The following TTC7A variants were observed in gnomAD, a reference collection of about 807,000 sequenced individuals.
TTC7A encodes the protein tetratricopeptide repeat protein 7A.
TTC7A carries 110 observed loss-of-function variants against 103.7 expected under a neutral mutation model. The observed-to-expected ratio is 1.06, with a 90% CI of 0.91 to 1.24. The LOEUF (loss-of-function observed/expected upper bound fraction) is 1.24, where lower values mean the gene tolerates loss of function less well. TTC7A is among the 50% of genes most tolerant of loss of function. The pLI is 0.00. For missense variants in TTC7A, 1,340 were observed against 1,116.3 expected (o/e 1.20, Z -2.86); for synonymous variants, 521 against 467.9 (o/e 1.11, Z -1.47).
Position 46,959,888 on chromosome 2 carries a change from A to G in TTC7A, c.517+2881A>G, listed in dbSNP as rs146564415. The stretch of plus-strand genomic sequence containing the variant: ...GTGTATATAAGGTGTGGGGGAGTAC[A>G]TAACCTCCACCTCCTCTGAGGGGAA... On this transcript the variant is annotated intron_variant, in intron 3 of 19. Coordinates refer to ENST00000319190, the MANE Select transcript of TTC7A (RefSeq NM_020458.4). Among the ~76,000 whole-genome samples, 914 of 152,330 alleles carry G rather than the reference A, an allele frequency of 6.0e-3. 7 individuals are homozygous for G. The highest frequency in any genetic ancestry group is 0.021 in the African/African-American group (873 of 41,560).
intron 3 of TTC7A, 74 bp downstream of exon 3, chr2:46,957,081 T>A (rs1671937866): frequency 6.3e-7 from 1 of 1,582,340 alleles, no homozygotes; most frequent in South Asian, 1.1e-5. Context: ...AGGGCCCTGC[T>A]GGGCTCGTGT....
At chr2:47,052,714 G>A (rs1177512579) in intron 18 of TTC7A, among the ~76,000 whole-genome samples, 1 of 152,216 alleles carries the variant, frequency 6.6e-6, no homozygotes, top group Non-Finnish European at 1.5e-5. Context: ...AATGGCAGCA[G>A]AAGACAGAGG....
At chr2:46,995,282 G>A (rs551923030) in intron 8 of TTC7A, 83 bp downstream of exon 8, 18 of 1,381,874 alleles carry the variant, frequency 1.3e-5, no homozygotes, top group Admixed American at 7.3e-5. Context: ...CAGGCCACCC[G>A]TGACCTAGCC....
At chr2:47,016,873 C>A (rs1678712769) in intron 11 of TTC7A, among the ~76,000 whole-genome samples, 1 of 151,966 alleles carries the variant, frequency 6.6e-6, no homozygotes, top group East Asian at 1.9e-4. Flanking sequence ...CAGGTGGGGC[C>A]CATTAGTGGG....
chr2:46,922,348 A>G (rs557507246), intron 2 of TTC7A, among the ~76,000 whole-genome samples: 33 of 152,210 alleles, frequency 2.2e-4, no homozygotes, highest in East Asian at 1.7e-3. Context: ...GGCTTTGTCT[A>G]TGGGAGTCCT....
chr2:47,002,456 T>G (rs1482155879), intron 8 of TTC7A, among the ~76,000 whole-genome samples: 1 of 152,174 alleles, frequency 6.6e-6, no homozygotes, highest in Non-Finnish European at 1.5e-5. Flanking sequence ...GATTTTCTAA[T>G]GAAAGAAAGC....
chr2:47,049,512 G>T (rs1035168422), intron 16 of TTC7A, among the ~76,000 whole-genome samples: 1 of 152,058 alleles, frequency 6.6e-6, no homozygotes, highest in Non-Finnish European at 1.5e-5. Flanking sequence ...GAAGCCTGAG[G>T]CAGGGGGTGA....
intron 2 of TTC7A, among the ~76,000 whole-genome samples, chr2:46,931,803 A>AT (rs779329389): frequency 6.6e-6 from 1 of 152,244 alleles, no homozygotes; most frequent in Non-Finnish European, 1.5e-5. Flanking sequence ...GATTTAGTTC[A>AT]TAAGACCTAC....
chr2:46,927,570 C>T (rs1321524175), intron 2 of TTC7A, among the ~76,000 whole-genome samples: 3 of 151,916 alleles, frequency 2.0e-5, no homozygotes, highest in African/African-American at 4.8e-5. Context: ...CCGTGTTAGC[C>T]AGGATGGTCT....
At chr2:46,975,200 G>A in intron 4 of TTC7A, 97 bp downstream of exon 4, 1 of 1,509,674 alleles carries the variant, frequency 6.6e-7, no homozygotes. Context: ...GTGCTAATTA[G>A]AAGAAGTCAC....
chr2:46,942,663 C>T (rs1321708599), intron 1 of TTC7A, among the ~76,000 whole-genome samples: 1 of 152,102 alleles, frequency 6.6e-6, no homozygotes, highest in African/African-American at 2.4e-5. Flanking sequence ...GATAAGGAAA[C>T]TGAGGCACAG....
chr2:46,917,359 CT>C, intron 2 of TTC7A: 1 of 596,422 alleles, frequency 1.7e-6, no homozygotes, highest in Non-Finnish European at 3.0e-6. Flanking sequence ...TTTCCTTACT[CT>C]GAACTTTGGA....
intron 11 of TTC7A, among the ~76,000 whole-genome samples, chr2:47,011,760 C>T (rs1030477607): frequency 6.6e-6 from 1 of 152,240 alleles, no homozygotes. Context: ...CCTGGACCAG[C>T]CTCATCATTT....
At chr2:47,020,392 C>T (rs1014741599) in intron 11 of TTC7A, among the ~76,000 whole-genome samples, 3 of 152,312 alleles carry the variant, frequency 2.0e-5, no homozygotes, top group African/African-American at 2.4e-5. Flanking sequence ...TCCACCTGGC[C>T]GGCTGAGGCT....
chr2:46,979,575 G>A (rs755792172), intron 5 of TTC7A, among the ~76,000 whole-genome samples: 1 of 152,312 alleles, frequency 6.6e-6, no homozygotes, highest in East Asian at 1.9e-4. Flanking sequence ...AGCAAGACCT[G>A]CCTTGTTGAA....
chr2:46,935,984 G>A (rs1397520513), intron 2 of TTC7A, among the ~76,000 whole-genome samples: 2 of 151,984 alleles, frequency 1.3e-5, no homozygotes, highest in Non-Finnish European at 2.9e-5. Context: ...CCAGCTACTC[G>A]GGAGGCTGAG....
chr2:47,009,730 G>A (rs1572895708), intron 10 of TTC7A, among the ~76,000 whole-genome samples: 1 of 152,100 alleles, frequency 6.6e-6, no homozygotes. Context: ...ATGGGGGGTT[G>A]CTTGGCCCAC....
chr2:46,934,980 T>C (rs2103855414), intron 2 of TTC7A, among the ~76,000 whole-genome samples: 1 of 151,942 alleles, frequency 6.6e-6, no homozygotes, highest in African/African-American at 2.4e-5. Context: ...TTTGTATTTT[T>C]AGTAGAGACA....
intron 15 of TTC7A, 53 bp downstream of exon 15, chr2:47,029,437 C>T (rs1457443004): frequency 1.3e-6 from 2 of 1,599,780 alleles, no homozygotes; most frequent in Non-Finnish European, 8.5e-7. Context: ...GCCTCTGCAG[C>T]AGGCGCCCAT....
Sources: allele counts gnomAD v4.1 joint callset (sites outside exome capture counted in the v4.1 genomes callset), GRCh38; gene constraint gnomAD v4.1.1; transcripts MANE v1.5; gene names NCBI Gene and HGNC (gene_info 2026-07-23, HGNC 2026-07-21).